Variants in LINGO1 observed in about 807,000 individuals in gnomAD.
LINGO1 encodes the protein leucine rich repeat and Ig domain containing 1.
A neutral mutation model predicts 37.3 loss-of-function variants in LINGO1; 11 were observed. The observed-to-expected ratio is 0.29, with a 90% CI of 0.19 to 0.49. The LOEUF (loss-of-function observed/expected upper bound fraction) is 0.49. Ranked by LOEUF, LINGO1 falls within the 20% of genes least tolerant of loss-of-function variation. The probability of loss-of-function intolerance (pLI) is 0.99; values close to 1 mark genes in which losing one functional copy is unlikely to be tolerated. For missense variants in LINGO1, 585 were observed against 878.2 expected (o/e 0.67, Z 4.22); for synonymous variants, 387 against 403.0 (o/e 0.96, Z 0.48).
At chr15:77,633,218 G>T (rs1335992924), upstream of LINGO1, among the ~76,000 whole-genome samples, 1 of 152,084 alleles carries the variant, frequency 6.6e-6, no homozygotes, top group Non-Finnish European at 1.5e-5. Context: ...CGGGCCAGCC[G>T]GGTGTCGGGG....
intron 2 of LINGO1, among the ~76,000 whole-genome samples, chr15:77,719,314 C>T (rs2076021325): frequency 6.7e-6 from 1 of 150,154 alleles, no homozygotes; most frequent in Admixed American, 6.7e-5. Flanking sequence ...AGCACCAAGA[C>T]ACTTCTACTC....
chr15:77,735,595 T>G lies in LINGO1; in HGVS notation c.-256-542A>C, dbSNP rs2076196256. Among the ~76,000 whole-genome samples the G allele has an allele frequency of 1.3e-5, 2 of 152,204 alleles. 1 individual carries two copies. The highest frequency in any genetic ancestry group is 4.1e-4 in the South Asian group (2 of 4,824). On this transcript the variant is annotated intron_variant, in intron 1 of 3. Coordinates refer to the LINGO1 transcript ENST00000561686. ...CCTGGGACCCTAACTGTGCCTCCCA[T>G]CAGTACAGGCAGGTGCAGCAGAGTT...
chr15:77,818,298 G>A (rs1319397318), intron 1 of LINGO1, among the ~76,000 whole-genome samples: 4 of 152,324 alleles, frequency 2.6e-5, no homozygotes, highest in Admixed American at 2.0e-4. Flanking sequence ...GCACCATCTT[G>A]GACCACAGCT....
intron 1 of LINGO1, among the ~76,000 whole-genome samples, chr15:77,814,004 C>CG (rs924620146): frequency 7.2e-5 from 11 of 152,222 alleles, no homozygotes; most frequent in African/African-American, 2.6e-4. Flanking sequence ...AGGAAGCCCC[C>CG]CCAATCTCAG....
chr15:77,629,410 C>T (rs2074188435), intron 1 of LINGO1, among the ~76,000 whole-genome samples: 1 of 152,176 alleles, frequency 6.6e-6, no homozygotes, highest in Non-Finnish European at 1.5e-5. Flanking sequence ...TACAAAGAAC[C>T]TTCCCTGATT....
chr15:77,658,222 A>G (rs948052861), intron 3 of LINGO1, among the ~76,000 whole-genome samples: 1 of 152,118 alleles, frequency 6.6e-6, no homozygotes, highest in Non-Finnish European at 1.5e-5. Context: ...CGAGCTGGGC[A>G]GTAGCTCTTC....
intron 1 of LINGO1, among the ~76,000 whole-genome samples, chr15:77,753,388 A>C (rs1259312359): frequency 6.6e-6 from 1 of 152,214 alleles, no homozygotes; most frequent in Non-Finnish European, 1.5e-5. Context: ...TTGGGTCAGA[A>C]TGACCTGTGG....
intron 2 of LINGO1, among the ~76,000 whole-genome samples, chr15:77,794,917 C>CTGTCCTCACACTGGGA (rs2076860915): frequency 2.0e-5 from 3 of 152,204 alleles, no homozygotes; most frequent in African/African-American, 7.2e-5. Flanking sequence ...GAAGGAAATC[C>CTGTCCTCACACTGGGA]AGGCCTCCGC....
chr15:77,684,045 TGG>T (rs993209570), intron 2 of LINGO1, among the ~76,000 whole-genome samples: 1 of 152,178 alleles, frequency 6.6e-6, no homozygotes, highest in Non-Finnish European at 1.5e-5. Flanking sequence ...TTGTCCTGTA[TGG>T]GTCCCTCTTC....
At chr15:77,667,574 ACC>A (rs1316735376) in intron 3 of LINGO1, 1 of 152,132 alleles carries the variant, frequency 6.6e-6, no homozygotes, top group Non-Finnish European at 1.5e-5. Flanking sequence ...CTTGCTGTCT[ACC>A]TAAGGCCACC....
chr15:77,671,227 G>A (rs528523339), intron 3 of LINGO1, among the ~76,000 whole-genome samples: 2 of 151,638 alleles, frequency 1.3e-5, no homozygotes, highest in African/African-American at 4.8e-5. Context: ...ATATCTCAGG[G>A]TCTGACTGCC....
At chr15:77,671,384 C>T (rs1267296762) in intron 3 of LINGO1, among the ~76,000 whole-genome samples, 2 of 151,994 alleles carry the variant, frequency 1.3e-5, no homozygotes, top group South Asian at 2.1e-4. Context: ...AGAGGTGGGG[C>T]GAGATGGAGA....
rs547037778 is a variant in LINGO1 at position 77,755,209 on chromosome 15, C to T, written c.-256-20156G>A. Among the ~76,000 whole-genome samples, 3 of 152,350 alleles carry T rather than the reference C, an allele frequency of 2.0e-5. No homozygotes were observed. The East Asian group carries it at 5.8e-4, about 29-fold the overall frequency. On this transcript the variant is annotated intron_variant, in intron 1 of 3. Transcript: ENST00000561686. The stretch of plus-strand genomic sequence containing the variant: ...TACTCTGCTCCTGCCCATCCCAGGC[C>T]TGGCCCCATGCTGGCCTAGGGGAAG...
chr15:77,786,555 G>C (rs575470560), intron 1 of LINGO1, among the ~76,000 whole-genome samples: 1 of 152,198 alleles, frequency 6.6e-6, no homozygotes, highest in Non-Finnish European at 1.5e-5. Flanking sequence ...AGACGGCCTC[G>C]GCTGCAATGG....
rs141550025 is a variant in LINGO1, at chr15:77,734,025, T to TA, written c.-195+966dup. ...GGATGAGCTACGAGGAGCTCCCTTT[T>TA]ACAGATACGGAAATTTGAAGCCAGA... is the stretch of plus-strand genomic sequence containing the variant. On this transcript the variant is annotated intron_variant, in intron 2 of 3. Transcript: ENST00000561686. 7.6e-3 allele frequency among the ~76,000 whole-genome samples: 1,152 copies of TA among 152,320 alleles called. 17 individuals are homozygous for TA. Among genetic ancestry groups the TA allele is most frequent in the African/African-American group, 0.026 (1,101 of 41,556 alleles).
Position 77,730,547 on chromosome 15 carries a change from C to T in LINGO1, c.-195+4445G>A, listed in dbSNP as rs118084090. ...CCGTACCCGTCTGTGCCGGGCTGCC[C>T]CTGCCTCTCTGTCCCTCTATATCCA... On this transcript the variant is annotated intron_variant, in intron 2 of 3. Coordinates refer to the LINGO1 transcript ENST00000561686. Among the ~76,000 whole-genome samples, 1,233 of 152,352 alleles carry T rather than the reference C, an allele frequency of 8.1e-3. 8 individuals carry two copies. Among genetic ancestry groups the T allele is most frequent in the Non-Finnish European group, 0.011 (726 of 68,038 alleles).
chr15:77,792,460 G>C (rs2076825777), intron 2 of LINGO1, among the ~76,000 whole-genome samples: 1 of 152,118 alleles, frequency 6.6e-6, no homozygotes, highest in Non-Finnish European at 1.5e-5. Context: ...TTCCTCAAGG[G>C]CTGCCCAGCT....
intron 2 of LINGO1, among the ~76,000 whole-genome samples, chr15:77,732,363 A>G (rs2076161426): frequency 6.6e-6 from 1 of 152,346 alleles, no homozygotes; most frequent in Non-Finnish European, 1.5e-5. Context: ...GTTCCCAAGT[A>G]TAGGATGTTG....
chr15:77,745,084 C>A (rs2076300475), intron 1 of LINGO1, among the ~76,000 whole-genome samples: 1 of 145,306 alleles, frequency 6.9e-6, no homozygotes, highest in Non-Finnish European at 1.5e-5. Context: ...CACCACTGCA[C>A]TCCAGCACTC....
Sources: allele counts gnomAD v4.1 joint callset (sites outside exome capture counted in the v4.1 genomes callset), GRCh38; gene constraint gnomAD v4.1.1; transcripts MANE v1.5; gene names NCBI Gene and HGNC (gene_info 2026-07-23, HGNC 2026-07-21).